Variants in ALG13 observed in about 807,000 individuals in gnomAD.
ALG13 encodes the protein UDP-N-acetylglucosamine transferase subunit ALG13.
ALG13 carries 11 observed loss-of-function variants against 87.8 expected under a neutral mutation model. That is an observed-to-expected ratio of 0.13 (90% CI 0.08 to 0.21). ALG13 has a LOEUF of 0.21. Among genes scored for constraint, ALG13 ranks in the 10% least tolerant of loss-of-function variants. The probability of loss-of-function intolerance (pLI) is 1.00; values close to 1 mark genes in which losing one functional copy is unlikely to be tolerated. For missense variants in ALG13, 756 were observed against 866.1 expected (o/e 0.87, Z 1.60); for synonymous variants, 320 against 306.3 (o/e 1.04, Z -0.47).
chrX:111,744,763 C>T lies in ALG13; in HGVS notation c.2791C>T (p.Pro931Ser), dbSNP rs1365843005. 9.1e-7 allele frequency: 1 copy of T among 1,104,807 alleles called. No individual in the cohort carries two copies. Among genetic ancestry groups the T allele is most frequent in the Non-Finnish European group, 1.2e-6 (1 of 841,751 alleles). 91.0% of individuals were successfully genotyped at this position (1,104,807 alleles called of 1,213,427 possible). The change falls in exon 24 of 27, where the codon CCA becomes TCA. Residue 931 changes from proline (P) to serine (S), a missense_variant. Pro to Ser is a moderately conservative substitution (Grantham distance 74, BLOSUM62 -1). Around this residue, in one of 9 missense-constraint regions of ALG13, gnomAD observed 362 missense variants for 383.5 expected, o/e 0.94. Transcript: ENST00000394780. Reference protein sequence around the residue: ...PPPPPPPPPPPPPPPPPPPPP... With the variant: ...PPPPPPPPPPSPPPPPPPPPP... ...ACCACCACCACCACCACCACCACCA[C>T]CACCACCTCCTCCTCCTCCTCCTCC...
chrX:111,688,971 A>G (rs1373191988), intron 3 of ALG13: 1 of 743,499 alleles, frequency 1.3e-6, no homozygotes. Flanking sequence ...CACTATAAAG[A>G]CCTCTCTTCC....
At chrX:111,741,745 G>A (rs747915216) in intron 23 of ALG13, among the ~76,000 whole-genome samples, 1 of 109,855 alleles carries the variant, frequency 9.1e-6, no homozygotes, top group South Asian at 4.0e-4. Context: ...CTCAGGAGTC[G>A]GAGTTTGCAT....
At chrX:111,717,404 C>G (rs1940769657) in intron 8 of ALG13, among the ~76,000 whole-genome samples, 1 of 111,078 alleles carries the variant, frequency 9.0e-6, no homozygotes, top group South Asian at 3.8e-4. Context: ...TGAATAAAAT[C>G]CCTTTCCTCC....
chrX:111,714,079 AC>A (rs2148060365), intron 8 of ALG13, among the ~76,000 whole-genome samples: 1 of 111,881 alleles, frequency 8.9e-6, no homozygotes, highest in Non-Finnish European at 1.9e-5. Flanking sequence ...GGATGCTGTT[AC>A]GATAATCGAG....
rs1004805611 is a variant in ALG13 at position 111,708,508 on chromosome X, G to C, written c.750+115G>C. 3 of 942,475 alleles carry C rather than the reference G, an allele frequency of 3.2e-6. 1 individual carries two copies. In the Middle Eastern group the frequency reaches 1.2e-3, roughly 365 times the overall value. 77.7% of individuals were successfully genotyped at this position (942,475 alleles called of 1,213,427 possible). On this transcript the variant is annotated intron_variant, in intron 4 of 26. Transcript: ENST00000394780. ...TCCCCTGCTTTCTAGTGAAAACATCGGGCCTGTCAAGGTCCTAGAGAGAAG... is the reference window on the plus strand; with the variant it reads ...TCCCCTGCTTTCTAGTGAAAACATCCGGCCTGTCAAGGTCCTAGAGAGAAG...
intron 15 of ALG13, among the ~76,000 whole-genome samples, chrX:111,725,550 T>C (rs911660523): frequency 3.6e-5 from 4 of 111,179 alleles, no homozygotes; most frequent in African/African-American, 9.8e-5. Context: ...TTTGGTAGCA[T>C]AATAGGGTGA....
intron 25 of ALG13, among the ~76,000 whole-genome samples, chrX:111,756,448 T>C (rs935513080): frequency 8.9e-6 from 1 of 111,845 alleles, no homozygotes; most frequent in Non-Finnish European, 1.9e-5. Context: ...AAAGCACTCA[T>C]GTGTTCATAG....
At chrX:111,755,514 A>G (rs1470508899) in intron 25 of ALG13, among the ~76,000 whole-genome samples, 1 of 112,431 alleles carries the variant, frequency 8.9e-6, no homozygotes, top group Non-Finnish European at 1.9e-5. Flanking sequence ...AATGGGAGAA[A>G]AGTTTTGCAA....
At chrX:111,748,797 A>G (rs1369580412) in intron 24 of ALG13, among the ~76,000 whole-genome samples, 1 of 111,378 alleles carries the variant, frequency 9.0e-6, no homozygotes, top group African/African-American at 3.3e-5. Context: ...TAATCTAAGC[A>G]ACTGGCCGGG....
At chrX:111,750,490 T>C (rs767214703) in intron 24 of ALG13, among the ~76,000 whole-genome samples, 3 of 111,343 alleles carry the variant, frequency 2.7e-5, no homozygotes, top group Admixed American at 9.6e-5. Flanking sequence ...TCTACAGATA[T>C]TGTGATTTTT....
chrX:111,757,478 C>G (rs1261938776), intron 25 of ALG13, 110 bp from the exon 26 acceptor site: 1 of 573,713 alleles, frequency 1.7e-6, no homozygotes, highest in African/African-American at 2.5e-5. Flanking sequence ...ACCTGAAAAT[C>G]GTGGCCCAAT....
At chrX:111,697,072 C>T (rs1018221291) in intron 3 of ALG13, among the ~76,000 whole-genome samples, 12 of 105,414 alleles carry the variant, frequency 1.1e-4, no homozygotes, top group South Asian at 4.2e-4. Flanking sequence ...TATTTAAGCA[C>T]GAACGTGCTA....
At position 111,734,667 on chromosome X, in the gene ALG13, G is replaced by A. The variant is rs17222517; in HGVS notation, c.2458-384G>A. ...AATCCCGCTTAGATAAAACGCAACT[G>A]AATAACCAGTTTACCCTTGTACCAA... On this transcript the variant is annotated intron_variant, in intron 21 of 26. Transcript: ENST00000394780. Among the ~76,000 whole-genome samples the A allele has an allele frequency of 3.5e-3, 395 of 111,875 alleles. 5 individuals carry two copies. The highest frequency in any genetic ancestry group is 3.5e-3 in the Non-Finnish European group (185 of 53,148).
chrX:111,743,855 C>T (rs1315714496), intron 23 of ALG13: 5 of 110,274 alleles, frequency 4.5e-5, no homozygotes, highest in Non-Finnish European at 7.6e-5. Context: ...TGGATTTAAG[C>T]TGGCTAAAAT....
At chrX:111,749,597 A>G (rs1182681073) in intron 24 of ALG13, among the ~76,000 whole-genome samples, 1 of 109,834 alleles carries the variant, frequency 9.1e-6, no homozygotes, top group East Asian at 2.8e-4. Context: ...GTCTCTTTGA[A>G]TTCATGAACA....
At chrX:111,746,506 T>C (rs1944251206) in intron 24 of ALG13, among the ~76,000 whole-genome samples, 1 of 112,191 alleles carries the variant, frequency 8.9e-6, no homozygotes, top group South Asian at 3.7e-4. Context: ...AGTAGTCCAT[T>C]TGTTTTCATG....
Position 111,718,214 on chromosome X carries a change from A to G in ALG13, c.1190A>G (p.Asn397Ser). The change falls in exon 10 of 27, where the codon AAT becomes AGT. Residue 397 changes from asparagine to serine, a missense_variant. Coordinates refer to ENST00000394780, the MANE Select transcript of ALG13 (RefSeq NM_001099922.3). Reference protein sequence around the residue: ...LFRSGSKKNRNNAVTGSEDAH... With the variant: ...LFRSGSKKNRSNAVTGSEDAH... ...CGAAGTGGTTCTAAGAAGAACAGAA[A>G]TAATGCTGTAACTGGAAGCGAGGAT... The G allele has an allele frequency of 1.7e-6, 2 of 1,189,192 alleles. No homozygotes were observed. The highest frequency in any genetic ancestry group is 2.3e-6 in the Non-Finnish European group (2 of 883,042).
rs3027819 is a variant in ALG13, at chrX:111,757,547, A to C, written c.2974-41A>C. 2.7e-3 allele frequency: 2,730 copies of C among 1,002,215 alleles called. 53 individuals are homozygous for C. In the African/African-American group the frequency reaches 0.049, roughly 18 times the overall value. The allele number at this position is 1,002,215 out of a possible 1,213,427, so 82.6% of individuals were successfully genotyped here. ...CTGTATTACATTAAGAATAGAGAAG[A>C]GTGAAGTTTCTTATTTTTTTGTTGC... On this transcript the variant is annotated intron_variant, in intron 25 of 26. Coordinates refer to ENST00000394780, the MANE Select transcript of ALG13 (RefSeq NM_001099922.3).
intron 3 of ALG13, among the ~76,000 whole-genome samples, chrX:111,686,867 A>T (rs904998587): frequency 8.9e-6 from 1 of 112,529 alleles, no homozygotes; most frequent in Non-Finnish European, 1.9e-5. Context: ...ATTTTTTTAC[A>T]GTTTTAAATG....
Sources: gnomAD v4.1 joint callset for allele counts (sites outside exome capture counted in the v4.1 genomes callset) on GRCh38, gnomAD v4.1.1 for gene constraint, gnomAD v4.1.1 regional missense constraint, MANE v1.5 for transcripts, NCBI Gene and HGNC (gene_info 2026-07-23, HGNC 2026-07-21) for gene names.